Variants in KDM2B observed in about 807,000 individuals in gnomAD.
KDM2B encodes the protein lysine demethylase 2B, also known as lysine-specific demethylase 2B.
In KDM2B, 26 loss-of-function variants were observed where a neutral mutation model predicts 150.0. The ratio of observed to expected loss-of-function variants is 0.17; its 90% confidence interval spans 0.13 to 0.24. The LOEUF (loss-of-function observed/expected upper bound fraction) is 0.24, where lower values mean the gene tolerates loss of function less well. Among genes scored for constraint, KDM2B ranks in the 10% least tolerant of loss-of-function variants. KDM2B has a pLI of 1.00. For synonymous variants in KDM2B, 734 were observed against 729.5 expected (o/e 1.01, Z -0.10); for missense variants, 1,265 against 1,816.9 (o/e 0.70, Z 5.52).
intron 8 of KDM2B, among the ~76,000 whole-genome samples, chr12:121,530,335 A>C (rs1252896960): frequency 1.3e-5 from 2 of 152,140 alleles, no homozygotes; most frequent in Non-Finnish European, 2.9e-5. Context: ...TCAAAGTTAA[A>C]GTACTATCCT....
chr12:121,489,278 A>AT (rs1169670815), intron 12 of KDM2B, among the ~76,000 whole-genome samples: 2 of 150,542 alleles, frequency 1.3e-5, no homozygotes, highest in South Asian at 4.2e-4. Flanking sequence ...TTATTTATTT[A>AT]TTTATTTTTG....
intron 7 of KDM2B, among the ~76,000 whole-genome samples, chr12:121,534,034 T>C (rs1887876627): frequency 6.6e-6 from 1 of 151,176 alleles, no homozygotes; most frequent in Admixed American, 6.6e-5. Flanking sequence ...AGCAAGACCC[T>C]ATCTCTTAAA....
At chr12:121,528,326 AG>A (rs1273519248) in intron 8 of KDM2B, among the ~76,000 whole-genome samples, 1 of 152,214 alleles carries the variant, frequency 6.6e-6, no homozygotes, top group Admixed American at 6.5e-5. Flanking sequence ...TGGGAGGCTG[AG>A]GCAGCAGGAT....
chr12:121,443,397 G>C (rs186294852), intron 17 of KDM2B: 1 of 577,372 alleles, frequency 1.7e-6, no homozygotes, highest in African/African-American at 1.9e-5. Context: ...GACTCCTGGC[G>C]CCACCTTGTG....
intron 15 of KDM2B, 81 bp downstream of exon 15, chr12:121,444,369 C>T (rs1875755456): frequency 6.2e-7 from 1 of 1,608,332 alleles, no homozygotes; most frequent in Non-Finnish European, 8.5e-7. Flanking sequence ...CTGCCTGAAA[C>T]TCCTGGGACA....
chr12:121,566,600 G>A (rs781860714), intron 4 of KDM2B, among the ~76,000 whole-genome samples: 4 of 150,980 alleles, frequency 2.6e-5, no homozygotes, highest in Admixed American at 1.3e-4. Context: ...CAGCCCGGGC[G>A]ACAAGCGAAA....
rs1555288755 is a variant in KDM2B at position 121,442,606 on chromosome 12, C to A, written c.2835G>T (p.Glu945Asp). Residue 945 changes from glutamate to aspartate, a missense_variant, in exon 19 of 23, where the codon GAG (glutamate) becomes GAT (aspartate). Around this residue, in one of 11 missense-constraint regions of KDM2B, gnomAD observed 418 missense variants for 402.4 expected, o/e 1.04. Transcript: ENST00000377071. This position sits in a 1 kb window ranked among gnomAD's most constrained non-coding sequence, Gnocchi z 7.7. ...MRRKRRLPNK[E>D]LSRELSKELN... ...GCTCCTTGCTCAGCTCCCTGCTCAG[C>A]TCCTTGTTGGGAAGCCGCCGCTTCC... is the stretch of plus-strand genomic sequence containing the variant. 1 of 1,602,254 alleles carries A rather than the reference C, an allele frequency of 6.2e-7. No individual in the cohort carries two copies. The highest frequency in any genetic ancestry group is 2.2e-5 in the East Asian group (1 of 44,842).
intron 21 of KDM2B, 78 bp downstream of exon 21, chr12:121,440,738 G>T: frequency 7.5e-7 from 1 of 1,342,182 alleles, no homozygotes; most frequent in South Asian, 1.4e-5. Flanking sequence ...GAACAGCTGG[G>T]GTCTGAGGGT....
chr12:121,439,188 C>T (rs886730528), intron 22 of KDM2B, among the ~76,000 whole-genome samples: 7 of 152,140 alleles, frequency 4.6e-5, no homozygotes, highest in Admixed American at 3.9e-4. Context: ...CAAGCTCCCT[C>T]CTGCCCACCA....
At chr12:121,434,565 G>T (rs1455321147) in intron 22 of KDM2B, among the ~76,000 whole-genome samples, 4 of 150,922 alleles carry the variant, frequency 2.7e-5, no homozygotes, top group African/African-American at 9.7e-5. Flanking sequence ...ATGGTGAAGT[G>T]ATTTTTGAAA....
intron 1 of KDM2B, chr12:121,579,614 G>A (rs1221678160): frequency 7.6e-7 from 1 of 1,309,482 alleles, no homozygotes; most frequent in African/African-American, 1.5e-5. Context: ...AAACGCACCA[G>A]CAGCTGCCTC....
At chr12:121,505,831 G>A (rs1167690381) in intron 11 of KDM2B, among the ~76,000 whole-genome samples, 4 of 152,140 alleles carry the variant, frequency 2.6e-5, no homozygotes, top group Non-Finnish European at 4.4e-5. Context: ...GCTATGAATT[G>A]TCTCAGACCC....
downstream of KDM2B, among the ~76,000 whole-genome samples, chr12:121,427,505 G>A (rs1357417593): frequency 1.3e-5 from 2 of 152,294 alleles, no homozygotes; most frequent in East Asian, 3.9e-4. Flanking sequence ...TCATACCACT[G>A]CACTCCAGCC....
At chr12:121,438,240 C>A in intron 22 of KDM2B, among the ~76,000 whole-genome samples, 2 of 138,448 alleles carry the variant, frequency 1.4e-5, no homozygotes, top group Non-Finnish European at 3.0e-5. Flanking sequence ...GGTGACAGAG[C>A]AAGGCTCCAT....
chr12:121,514,616 G>A (rs1354475622), intron 9 of KDM2B, among the ~76,000 whole-genome samples: 1 of 151,620 alleles, frequency 6.6e-6, no homozygotes, highest in Non-Finnish European at 1.5e-5. Flanking sequence ...GGTGTCTGCG[G>A]GGACGAGAAA....
In KDM2B at chr12:121,452,645, G is replaced by A. The variant is rs1350152179; in HGVS notation, c.1959+475C>T. Among the ~76,000 whole-genome samples, 4 of 152,388 alleles carry A rather than the reference G, an allele frequency of 2.6e-5. No individual in the cohort carries two copies. Among genetic ancestry groups the A allele is most frequent in the East Asian group, 1.9e-4 (1 of 5,190 alleles). ...TGTCTGGGGACGAGACCAGCGGCGC[G>A]GGGCCACTGCCGGAGCTGAGGCCAG... On this transcript the variant is annotated intron_variant, in intron 13 of 22. Coordinates refer to ENST00000377071, the MANE Select transcript of KDM2B (RefSeq NM_032590.5). The surrounding 1 kb of genome is among the most constrained non-coding windows in gnomAD (Gnocchi z 4.4).
intron 1 of KDM2B, 143 bp from the exon 2 acceptor site, chr12:121,579,089 G>T: frequency 2.3e-6 from 2 of 876,832 alleles, no homozygotes; most frequent in Non-Finnish European, 3.5e-6. Context: ...TTGCGCAATT[G>T]CCAAAGATGC....
chr12:121,577,062 GC>G (rs1891544976), intron 2 of KDM2B, among the ~76,000 whole-genome samples: 1 of 152,174 alleles, frequency 6.6e-6, no homozygotes, highest in Non-Finnish European at 1.5e-5. Flanking sequence ...CAGGCTAAGG[GC>G]TCCTGTTTCT....
the KDM2B span, chr12:121,423,477 T>C: frequency 1.9e-6 from 3 of 1,613,956 alleles, no homozygotes; most frequent in South Asian, 3.3e-5. This position sits in a 1 kb window ranked among gnomAD's most constrained non-coding sequence, Gnocchi z 4.3. Context: ...TACTGGAGTG[T>C]GGGCACATGG....
Sources: gnomAD v4.1 joint callset for allele counts (sites outside exome capture counted in the v4.1 genomes callset) on GRCh38, gnomAD v4.1.1 for gene constraint, gnomAD v4.1.1 regional missense constraint, Gnocchi (gnomAD v3.1) non-coding constraint, MANE v1.5 for transcripts, NCBI Gene and HGNC (gene_info 2026-07-23, HGNC 2026-07-21) for gene names.